Variants in SLC25A21 observed in about 807,000 individuals in gnomAD.
The protein encoded by SLC25A21 is solute carrier family 25 member 21, also known as mitochondrial 2-oxodicarboxylate carrier.
Under a neutral mutation model 43.8 loss-of-function variants are expected in SLC25A21, and 47 were observed. The observed-to-expected ratio is 1.07, with a 90% CI of 0.85 to 1.37. SLC25A21 has a LOEUF of 1.37. Among genes scored for constraint, SLC25A21 ranks in the 40% most tolerant of loss-of-function variants. The pLI, the probability that SLC25A21 is intolerant of heterozygous loss-of-function variation, is 0.00. For synonymous variants in SLC25A21, 131 were observed against 121.3 expected, an observed-to-expected ratio of 1.08 and a Z score of -0.52; for missense variants, 352 against 350.2, an observed-to-expected ratio of 1.00 and a Z score of -0.04.
intron 1 of SLC25A21, among the ~76,000 whole-genome samples, chr14:37,011,713 T>A (rs947669740): frequency 1.3e-5 from 2 of 152,196 alleles, no homozygotes; most frequent in East Asian, 3.9e-4. Context: ...ATTTGATATA[T>A]AGGAATCCAT....
intron 3 of SLC25A21, among the ~76,000 whole-genome samples, chr14:36,768,322 T>C (rs1046924165): frequency 2.0e-5 from 3 of 152,180 alleles, no homozygotes; most frequent in Non-Finnish European, 1.5e-5. Flanking sequence ...GGAGAAGCAA[T>C]TGTGCCACTT....
chr14:37,027,230 T>C (rs1682186966), intron 1 of SLC25A21, among the ~76,000 whole-genome samples: 1 of 147,736 alleles, frequency 6.8e-6, no homozygotes, highest in Admixed American at 6.7e-5. Context: ...CTTCTAGGGA[T>C]AATGACTTGA....
chr14:36,872,855 G>A (rs1476708971), intron 2 of SLC25A21, among the ~76,000 whole-genome samples: 2 of 152,144 alleles, frequency 1.3e-5, no homozygotes, highest in African/African-American at 4.8e-5. Flanking sequence ...ACAACAAAAT[G>A]ATACAGCTTT....
At chr14:36,696,681 C>T (rs1446096969) in intron 7 of SLC25A21, among the ~76,000 whole-genome samples, 3 of 152,148 alleles carry the variant, frequency 2.0e-5, no homozygotes, top group Non-Finnish European at 4.4e-5. Flanking sequence ...TCTAGATTTT[C>T]TAGTTTATTT....
At chr14:36,969,688 C>T (rs1167603169) in intron 1 of SLC25A21, among the ~76,000 whole-genome samples, 3 of 151,786 alleles carry the variant, frequency 2.0e-5, no homozygotes, top group East Asian at 1.9e-4. Context: ...GATGGGGTCT[C>T]GGTACGTTAT....
intron 1 of SLC25A21, among the ~76,000 whole-genome samples, chr14:36,981,338 G>A (rs1960016648): frequency 6.6e-6 from 1 of 152,142 alleles, no homozygotes; most frequent in South Asian, 2.1e-4. Context: ...CCATTACTTG[G>A]TCTATACCCA....
chr14:37,166,155 T>C (rs541977444), intron 1 of SLC25A21, among the ~76,000 whole-genome samples: 1 of 152,316 alleles, frequency 6.6e-6, no homozygotes, highest in African/African-American at 2.4e-5. Flanking sequence ...ATGTGCTAGA[T>C]TTCAATTCCT....
At chr14:36,861,996 A>C (rs1045265418) in intron 2 of SLC25A21, among the ~76,000 whole-genome samples, 4 of 152,204 alleles carry the variant, frequency 2.6e-5, no homozygotes, top group African/African-American at 7.2e-5. Flanking sequence ...GTGGCCAACA[A>C]ACATATGAAA....
chr14:37,129,580 G>C (rs943183974), intron 1 of SLC25A21, among the ~76,000 whole-genome samples: 18 of 151,808 alleles, frequency 1.2e-4, no homozygotes, highest in African/African-American at 3.4e-4. Flanking sequence ...ATCCTAGATA[G>C]AGGAAAGCTG....
intron 6 of SLC25A21, among the ~76,000 whole-genome samples, chr14:36,714,060 T>C (rs2139193262): frequency 6.6e-6 from 1 of 152,328 alleles, no homozygotes; most frequent in Non-Finnish European, 1.5e-5. Context: ...TTGAGATTGT[T>C]GAAAGAAGTC....
intron 1 of SLC25A21, among the ~76,000 whole-genome samples, chr14:36,905,489 T>G (rs1422946530): frequency 1.3e-5 from 2 of 152,268 alleles, no homozygotes; most frequent in African/African-American, 2.4e-5. Flanking sequence ...CCCAAAGCTG[T>G]TGTAATCTTC....
At chr14:36,970,230 C>T (rs1430733267) in intron 1 of SLC25A21, among the ~76,000 whole-genome samples, 1 of 152,146 alleles carries the variant, frequency 6.6e-6, no homozygotes, top group Non-Finnish European at 1.5e-5. Flanking sequence ...GAACAAAGAT[C>T]ATAGGCTGGG....
rs556465572 is a variant in SLC25A21 at position 36,744,032 on chromosome 14, T to C, written c.204-9459A>G. The stretch of plus-strand genomic sequence containing the variant: ...GAATTGCAAAAGATTGAGAAAAGAA[T>C]CATAGATGACACAAACAAGTGGGAA... On this transcript the variant is annotated intron_variant, in intron 3 of 9. Coordinates refer to ENST00000331299, the MANE Select transcript of SLC25A21 (RefSeq NM_030631.4). 5.3e-5 allele frequency among the ~76,000 whole-genome samples: 8 copies of C among 152,238 alleles called. No individual in the cohort carries two copies. In the East Asian group the frequency reaches 1.5e-3, roughly 29 times the overall value.
chr14:37,014,733 C>A (rs1357521823), intron 1 of SLC25A21, among the ~76,000 whole-genome samples: 1 of 152,068 alleles, frequency 6.6e-6, no homozygotes, highest in African/African-American at 2.4e-5. Context: ...TATAGCCTTC[C>A]AAAATATAAT....
At chr14:36,896,616 G>A (rs1280262031) in intron 1 of SLC25A21, among the ~76,000 whole-genome samples, 2 of 152,162 alleles carry the variant, frequency 1.3e-5, no homozygotes, top group Admixed American at 6.5e-5. Context: ...ATTAATTGAT[G>A]CAGTTTCTTC....
intron 1 of SLC25A21, among the ~76,000 whole-genome samples, chr14:37,048,408 A>C (rs188308028): frequency 6.6e-6 from 1 of 152,216 alleles, no homozygotes; most frequent in East Asian, 1.9e-4. Flanking sequence ...CTGTTTCCTA[A>C]GGAAAGCTAT....
chr14:36,812,959 C>T (rs1888324455), intron 3 of SLC25A21, among the ~76,000 whole-genome samples: 1 of 152,056 alleles, frequency 6.6e-6, no homozygotes, highest in South Asian at 2.1e-4. Context: ...TAAATATATA[C>T]TAATTATTAT....
chr14:37,067,041 G>A (rs1027455427), intron 1 of SLC25A21, among the ~76,000 whole-genome samples: 3 of 152,056 alleles, frequency 2.0e-5, no homozygotes, highest in Non-Finnish European at 2.9e-5. Flanking sequence ...GGAAAAAAAT[G>A]TAAATACGAA....
chr14:36,794,795 AAG>A (rs1465327520), intron 3 of SLC25A21, among the ~76,000 whole-genome samples: 2 of 152,116 alleles, frequency 1.3e-5, no homozygotes, highest in Non-Finnish European at 2.9e-5. Flanking sequence ...CCTAGTAAAT[AAG>A]ACTCTTCTCC....
Sources: gnomAD v4.1 joint callset for allele counts (sites outside exome capture counted in the v4.1 genomes callset) on GRCh38, gnomAD v4.1.1 for gene constraint, MANE v1.5 for transcripts, NCBI Gene and HGNC (gene_info 2026-07-23, HGNC 2026-07-21) for gene names.